CNTNAP3B: variants seen among roughly 807,000 people sequenced by gnomAD.
CNTNAP3B encodes the protein contactin-associated protein-like 3B.
A neutral mutation model predicts 108.9 loss-of-function variants in CNTNAP3B; 25 were observed. The observed-to-expected ratio is 0.23, with a 90% CI of 0.17 to 0.32. CNTNAP3B has a LOEUF of 0.32. CNTNAP3B is among the 10% of genes least tolerant of loss of function. CNTNAP3B has a pLI of 1.00. For synonymous variants in CNTNAP3B, 103 were observed against 473.4 expected (o/e 0.22, Z 10.16); for missense variants, 252 against 1,210.4 (o/e 0.21, Z 11.75).
chr9:42,019,716 G>A (rs1459903197), intron 3 of CNTNAP3B, among the ~76,000 whole-genome samples: 1 of 147,646 alleles, frequency 6.8e-6, no homozygotes, highest in Non-Finnish European at 1.5e-5. Flanking sequence ...AGCCAAGATT[G>A]CACCACTGCA....
At chr9:41,955,394 TATCA>T (rs1482488824) in intron 12 of CNTNAP3B, among the ~76,000 whole-genome samples, 1 of 152,296 alleles carries the variant, frequency 6.6e-6, no homozygotes, top group Non-Finnish European at 1.5e-5. Flanking sequence ...CTCCTTATAA[TATCA>T]GTAGTAAAAG....
In CNTNAP3B at chr9:41,964,919, T is replaced by G. The variant is rs199655538; in HGVS notation, c.1650-275A>C. On this transcript the variant is annotated intron_variant, in intron 10 of 23. Coordinates refer to ENST00000377561, the MANE Select transcript of CNTNAP3B (RefSeq NM_001201380.3). ...CCAAGTGACACAATAACTTGACATG[T>G]GGCTAGCAAAACCAATTACACACAT... is the stretch of plus-strand genomic sequence containing the variant. Among the ~76,000 whole-genome samples the G allele has an allele frequency of 2.0e-4, 31 of 152,368 alleles. No homozygotes were observed. The East Asian group carries it at 4.8e-3, about 24-fold the overall frequency.
Position 41,936,807 on chromosome 9 carries a change from A to T in CNTNAP3B, c.2237+1437T>A, listed in dbSNP as rs1263355812. Among the ~76,000 whole-genome samples the T allele has an allele frequency of 3.3e-5, 5 of 152,400 alleles. No homozygotes were observed. In the East Asian group the frequency reaches 9.6e-4, roughly 29 times the overall value. ...ATTGCATATCAAAATATTCAAAAAGAGTGTCTCATAAATCTGTATGATCAT... is the reference window on the plus strand; with the variant it reads ...ATTGCATATCAAAATATTCAAAAAGTGTGTCTCATAAATCTGTATGATCAT... On this transcript the variant is annotated intron_variant, in intron 14 of 23. Coordinates refer to ENST00000377561, the MANE Select transcript of CNTNAP3B (RefSeq NM_001201380.3).
chr9:42,096,149 G>T lies in CNTNAP3B; in HGVS notation c.196+8480C>A, dbSNP rs1415866674. Reference sequence around the variant, plus strand: ...ACTGAATGTGCCGCAGCACAATGAGGATGCTGTGCAGGCTGCTCTTGGAGA... The same window carrying T: ...ACTGAATGTGCCGCAGCACAATGAGTATGCTGTGCAGGCTGCTCTTGGAGA... On this transcript the variant is annotated intron_variant, in intron 2 of 23. Transcript: ENST00000377561. Among the ~76,000 whole-genome samples the T allele has an allele frequency of 2.1e-5, 3 of 139,876 alleles. 1 individual carries two copies. Among genetic ancestry groups the T allele is most frequent in the African/African-American group, 8.5e-5 (3 of 35,316 alleles). 91.8% of individuals were successfully genotyped at this position (139,876 alleles called of 152,430 possible).
At chr9:42,097,658 G>C (rs1264239384) in intron 2 of CNTNAP3B, among the ~76,000 whole-genome samples, 1 of 137,562 alleles carries the variant, frequency 7.3e-6, no homozygotes, top group South Asian at 2.4e-4. Flanking sequence ...AATTGTAATT[G>C]ATCTTACATT....
chr9:42,030,818 GA>G (rs1826511110), intron 3 of CNTNAP3B, among the ~76,000 whole-genome samples: 3 of 119,140 alleles, frequency 2.5e-5, no homozygotes, highest in Admixed American at 8.1e-5. Flanking sequence ...AGAGAGGAGA[GA>G]GAGAGAGAGA....
chr9:41,932,764 C>T (rs1265603990), intron 14 of CNTNAP3B, among the ~76,000 whole-genome samples: 18 of 151,962 alleles, frequency 1.2e-4, no homozygotes, highest in Non-Finnish European at 1.8e-4. Flanking sequence ...ATGATCTGCC[C>T]GCCTTGGCCT....
At chr9:42,119,461 C>T (rs1219943032) in intron 1 of CNTNAP3B, among the ~76,000 whole-genome samples, 2 of 129,370 alleles carry the variant, frequency 1.5e-5, no homozygotes, top group East Asian at 2.4e-4. Context: ...ACTTTCTTCA[C>T]AGAATTGGAA....
At chr9:42,032,974 C>T (rs1186478277) in intron 3 of CNTNAP3B, among the ~76,000 whole-genome samples, 3 of 144,248 alleles carry the variant, frequency 2.1e-5, no homozygotes, top group Non-Finnish European at 4.5e-5. Context: ...TCCTGAAAGG[C>T]CCTGTCTTCA....
At chr9:41,933,212 AT>A (rs1026475496) in intron 14 of CNTNAP3B, among the ~76,000 whole-genome samples, 61 of 151,480 alleles carry the variant, frequency 4.0e-4, no homozygotes, top group Non-Finnish European at 6.9e-4. Context: ...TTTTGGGCTA[AT>A]TTTTTTTTGT....
chr9:41,915,834 C>A (rs1823502762), intron 18 of CNTNAP3B, among the ~76,000 whole-genome samples: 4 of 150,998 alleles, frequency 2.6e-5, no homozygotes, highest in African/African-American at 9.8e-5. Context: ...TGGGATAAAT[C>A]CTACTAGGTT....
At chr9:42,045,638 A>G (rs1456066618) in intron 3 of CNTNAP3B, among the ~76,000 whole-genome samples, 1 of 148,682 alleles carries the variant, frequency 6.7e-6, no homozygotes, top group East Asian at 2.0e-4. Context: ...CACAATAGCC[A>G]AGATGTGGAA....
At chr9:41,923,532 C>A (rs951984667) in intron 16 of CNTNAP3B, among the ~76,000 whole-genome samples, 1 of 152,276 alleles carries the variant, frequency 6.6e-6, no homozygotes, top group African/African-American at 2.4e-5. Flanking sequence ...GAACCCGAGG[C>A]AGGCGGATCA....
chr9:42,094,973 G>T (rs533824260), intron 2 of CNTNAP3B, among the ~76,000 whole-genome samples: 2 of 136,590 alleles, frequency 1.5e-5, no homozygotes, highest in Non-Finnish European at 3.1e-5. Context: ...TAAAATGATC[G>T]AATCAGGCTA....
chr9:41,916,388 T>C (rs1167346546), intron 18 of CNTNAP3B, among the ~76,000 whole-genome samples: 10 of 149,534 alleles, frequency 6.7e-5, no homozygotes, highest in South Asian at 2.1e-4. Context: ...TACTTTCTTT[T>C]ATAATTACCT....
intron 9 of CNTNAP3B, chr9:41,979,883 A>G (rs1448171028): frequency 8.0e-6 from 1 of 125,444 alleles, no homozygotes; most frequent in African/African-American, 3.9e-5. Context: ...GCCACCACCT[A>G]AGATATATAT....
intron 1 of CNTNAP3B, among the ~76,000 whole-genome samples, chr9:42,108,744 C>A (rs1828130256): frequency 1.5e-5 from 2 of 136,898 alleles, no homozygotes; most frequent in African/African-American, 2.9e-5. Context: ...GTTCCTCTCT[C>A]CCCACTCTAT....
At chr9:42,026,797 A>G (rs1352055939) in intron 3 of CNTNAP3B, among the ~76,000 whole-genome samples, 6 of 137,088 alleles carry the variant, frequency 4.4e-5, no homozygotes, top group Admixed American at 7.3e-5. Context: ...ATTTTGCTCA[A>G]TAATAACTCC....
chr9:41,948,161 G>T (rs1824579579), intron 13 of CNTNAP3B, among the ~76,000 whole-genome samples: 1 of 148,914 alleles, frequency 6.7e-6, no homozygotes, highest in African/African-American at 2.5e-5. Flanking sequence ...GTGTGATCTT[G>T]GCTCACTGCA....
Sources: gnomAD v4.1 joint callset for allele counts (sites outside exome capture counted in the v4.1 genomes callset) on GRCh38, gnomAD v4.1.1 for gene constraint, MANE v1.5 for transcripts, NCBI Gene and HGNC (gene_info 2026-07-23, HGNC 2026-07-21) for gene names.